LPCAT2: variants seen among roughly 807,000 people sequenced by gnomAD.
The protein encoded by LPCAT2 is lysophosphatidylcholine acyltransferase 2.
In LPCAT2, 58 loss-of-function variants were observed where a neutral mutation model predicts 64.7. That is an observed-to-expected ratio of 0.90 (90% CI 0.73 to 1.12). The LOEUF (loss-of-function observed/expected upper bound fraction) is 1.12, where lower values mean the gene tolerates loss of function less well. LPCAT2 is among the 50% of genes most tolerant of loss of function. LPCAT2 has a pLI of 0.00. For missense variants in LPCAT2, 579 were observed against 669.8 expected (o/e 0.86, Z 1.50); for synonymous variants, 252 against 245.3 (o/e 1.03, Z -0.26).
intron 1 of LPCAT2, among the ~76,000 whole-genome samples, chr16:55,522,074 G>C (rs1466931838): frequency 2.0e-5 from 3 of 151,696 alleles, no homozygotes; most frequent in Non-Finnish European, 4.4e-5. Context: ...AAATGATATA[G>C]ACTGTATATG....
intron 1 of LPCAT2, among the ~76,000 whole-genome samples, chr16:55,515,971 G>A (rs1368580589): frequency 6.6e-6 from 1 of 152,042 alleles, no homozygotes; most frequent in Non-Finnish European, 1.5e-5. Context: ...AAAACAAATA[G>A]CAAAATGTCA....
At chr16:55,509,422 G>C (rs1307713302) in intron 1 of LPCAT2, 70 bp downstream of exon 1, 38 of 1,317,454 alleles carry the variant, frequency 2.9e-5, no homozygotes, top group Non-Finnish European at 3.5e-5. Flanking sequence ...TCCAGGTAAG[G>C]GGTGTGGGTC....
chr16:55,545,701 G>A (rs1376531957), intron 8 of LPCAT2, 34 bp from the exon 9 acceptor site: 1 of 1,354,748 alleles, frequency 7.4e-7, no homozygotes, highest in Admixed American at 1.8e-5. Context: ...TTAGGCTTAA[G>A]ACATTGTTAT....
chr16:55,561,217 T>G lies in LPCAT2; in HGVS notation c.1215+10115T>G, dbSNP rs184549317. Among the ~76,000 whole-genome samples the G allele has an allele frequency of 1.3e-4, 20 of 152,186 alleles. No homozygotes were observed. The East Asian group carries it at 3.3e-3, about 25-fold the overall frequency. On this transcript the variant is annotated intron_variant, in intron 11 of 13. Transcript: ENST00000262134. ...CGTATTTTGCTTATCCATTTGCCAG[T>G]TGGTAAACATTTAGGTTGTTTCCAT... is the stretch of plus-strand genomic sequence containing the variant.
At chr16:55,525,982 C>A (rs529574201) in intron 2 of LPCAT2, 1 of 158,540 alleles carries the variant, frequency 6.3e-6, no homozygotes, top group Non-Finnish European at 1.4e-5. Flanking sequence ...CGGAAAGATA[C>A]CCAACTACTA....
In LPCAT2 at chr16:55,551,565, G is replaced by A. The variant is rs528040124; in HGVS notation, c.1215+463G>A. ...GAAGGTTTTAGACTTCCACAAACCT[G>A]TATGAAGACCAAATAGATTTTTATT... On this transcript the variant is annotated intron_variant, in intron 11 of 13. Coordinates refer to ENST00000262134, the MANE Select transcript of LPCAT2 (RefSeq NM_017839.5). Among the ~76,000 whole-genome samples the A allele has an allele frequency of 7.9e-5, 12 of 152,186 alleles. No homozygotes were observed. In the South Asian group the frequency reaches 1.5e-3, roughly 18 times the overall value.
intron 12 of LPCAT2, among the ~76,000 whole-genome samples, chr16:55,576,352 C>A (rs1278625342): frequency 6.6e-6 from 1 of 152,124 alleles, no homozygotes. Context: ...GATAGCACTT[C>A]ACAGTTAATT....
At position 55,583,011 on chromosome 16, in the gene LPCAT2, A is replaced by G. The variant is rs762546681; in HGVS notation, c.1548A>G (p.Lys516=). ...CGTGCCATGTGTTTTCATTACCAAA[A>G]GAAGTCCAGACAACCCCCTCCACCG... ...LQTCHVFSLP[K]EVQTTPSTAS... The change falls in exon 14 of 14, where the codon AAA becomes AAG. Residue 516 remains lysine, a synonymous_variant. Transcript: ENST00000262134. The G allele has an allele frequency of 6.2e-7, 1 of 1,613,892 alleles. No individual in the cohort carries two copies. Among genetic ancestry groups the G allele is most frequent in the South Asian group, 1.1e-5 (1 of 91,074 alleles).
intron 11 of LPCAT2, among the ~76,000 whole-genome samples, chr16:55,554,263 C>T (rs764454720): frequency 5.3e-5 from 8 of 152,142 alleles, no homozygotes; most frequent in South Asian, 4.1e-4. Context: ...GTATGAAAGT[C>T]GTAGATGGCA....
At chr16:55,567,521 C>T (rs1006044092) in intron 11 of LPCAT2, 1 of 1,605,098 alleles carries the variant, frequency 6.2e-7, no homozygotes, top group Non-Finnish European at 8.5e-7. Flanking sequence ...ACTGAGAAGT[C>T]AAGATCCTCC....
chr16:55,519,694 C>T (rs1963067526), intron 1 of LPCAT2, among the ~76,000 whole-genome samples: 1 of 151,902 alleles, frequency 6.6e-6, no homozygotes, highest in South Asian at 2.1e-4. Flanking sequence ...AAAATGTAAC[C>T]ATTTAATACA....
intron 10 of LPCAT2, among the ~76,000 whole-genome samples, chr16:55,549,907 A>G (rs1963496786): frequency 6.6e-6 from 1 of 152,168 alleles, no homozygotes; most frequent in Non-Finnish European, 1.5e-5. Flanking sequence ...GATCTAGTTT[A>G]AACCATTGAG....
At chr16:55,564,804 G>A (rs1021384992) in intron 11 of LPCAT2, among the ~76,000 whole-genome samples, 5 of 151,784 alleles carry the variant, frequency 3.3e-5, no homozygotes, top group African/African-American at 7.3e-5. Flanking sequence ...TGAATATTAC[G>A]CCAAAAGCAC....
At chr16:55,543,898 G>A (rs1963424351) in intron 8 of LPCAT2, among the ~76,000 whole-genome samples, 2 of 152,124 alleles carry the variant, frequency 1.3e-5, no homozygotes, top group African/African-American at 2.4e-5. Context: ...CCCTTAGAGA[G>A]GAAATAATCA....
Position 55,567,327 on chromosome 16 carries a change from C to T in LPCAT2, c.1216-7304C>T, listed in dbSNP as rs867614982. ...CTTCCAGCTAAATGAACAACTTTAC[C>T]AAATGATTGTCCGCCGGTATGCTAA... On this transcript the variant is annotated intron_variant, in intron 11 of 13. Coordinates refer to ENST00000262134, the MANE Select transcript of LPCAT2 (RefSeq NM_017839.5). The T allele has an allele frequency of 4.3e-6, 7 of 1,613,588 alleles. 1 individual carries two copies. The South Asian group carries it at 7.7e-5, about 18-fold the overall frequency.
rs12597092 is a variant in LPCAT2, at chr16:55,573,362, G to A, written c.1216-1269G>A. ...CTATGAACCTAGAGTAGTAGGTAAC[G>A]GTAGATGAGAAAAAGTTGTGTTTGT... On this transcript the variant is annotated intron_variant, in intron 11 of 13. Transcript: ENST00000262134. Among the ~76,000 whole-genome samples the A allele has an allele frequency of 0.017, 2,563 of 151,584 alleles. 121 individuals carry two copies. In the East Asian group the frequency reaches 0.18, roughly 11 times the overall value.
At chr16:55,545,857 A>G (rs1158077353) in intron 9 of LPCAT2, 40 bp downstream of exon 9, 2 of 1,469,480 alleles carry the variant, frequency 1.4e-6, no homozygotes, top group African/African-American at 2.8e-5. Flanking sequence ...AAATAATTTG[A>G]AAATTATTTG....
intron 11 of LPCAT2, among the ~76,000 whole-genome samples, chr16:55,569,543 C>G (rs1963746396): frequency 6.6e-6 from 1 of 152,120 alleles, no homozygotes; most frequent in Non-Finnish European, 1.5e-5. Flanking sequence ...ACAATGTAAC[C>G]ACATTTTTGT....
At chr16:55,511,599 T>A (rs77658879) in intron 1 of LPCAT2, among the ~76,000 whole-genome samples, 8,561 of 152,248 alleles carry the variant, frequency 0.056, 284 homozygotes, top group Middle Eastern at 0.11. Flanking sequence ...AGAATAACAC[T>A]GAGAGAAGGC....
Sources: allele counts gnomAD v4.1 joint callset (sites outside exome capture counted in the v4.1 genomes callset), GRCh38; gene constraint gnomAD v4.1.1; transcripts MANE v1.5; gene names NCBI Gene and HGNC (gene_info 2026-07-23, HGNC 2026-07-21).